The following NXPE4 variants were observed in gnomAD, a reference collection of about 807,000 sequenced individuals.
The protein encoded by NXPE4 is NXPE family member 4.
NXPE4 carries 42 observed loss-of-function variants against 33.3 expected under a neutral mutation model. That is an observed-to-expected ratio of 1.26 (90% CI 0.98 to 1.63). The LOEUF is 1.63. Ranked by LOEUF, NXPE4 falls within the 40% of genes most tolerant of loss-of-function variation. The probability of loss-of-function intolerance (pLI) is 0.00; values close to 1 mark genes in which losing one functional copy is unlikely to be tolerated. For synonymous variants in NXPE4, 253 were observed against 234.9 expected, an observed-to-expected ratio of 1.08 and a Z score of -0.71; for missense variants, 709 against 647.6, an observed-to-expected ratio of 1.09 and a Z score of -1.03.
At chr11:114,624,905 A>G in the NXPE4 span, among the ~76,000 whole-genome samples, 2 of 151,478 alleles carry the variant, frequency 1.3e-5, no homozygotes, top group Non-Finnish European at 1.5e-5. Context: ...GTGTGGCCTC[A>G]TGGGTAACCA....
chr11:114,655,912 T>G, the NXPE4 span, among the ~76,000 whole-genome samples: 27 of 152,308 alleles, frequency 1.8e-4, no homozygotes, highest in South Asian at 5.0e-3. Context: ...TACATAGTTT[T>G]GGAACTTCTG....
At chr11:114,603,266 C>A in the NXPE4 span, among the ~76,000 whole-genome samples, 1 of 148,500 alleles carries the variant, frequency 6.7e-6, no homozygotes, top group East Asian at 2.0e-4. Flanking sequence ...CTCCTATTTC[C>A]TGGTGGATGA....
At chr11:114,661,064 G>GATCT in the NXPE4 span, among the ~76,000 whole-genome samples, 1 of 152,146 alleles carries the variant, frequency 6.6e-6, no homozygotes, top group African/African-American at 2.4e-5. Context: ...AAATACACAA[G>GATCT]ATCTATATAC....
At chr11:114,602,767 ATAAT>A in the NXPE4 span, among the ~76,000 whole-genome samples, 14 of 145,038 alleles carry the variant, frequency 9.7e-5, no homozygotes, top group African/African-American at 3.5e-4. Context: ...TATCTCATAT[ATAAT>A]TACAGAATAA....
Position 114,582,375 on chromosome 11 carries a change from T to A in NXPE4, c.743A>T (p.His248Leu). 1 of 1,614,154 alleles carries A rather than the reference T, an allele frequency of 6.2e-7. No individual in the cohort carries two copies. Among genetic ancestry groups the A allele is most frequent in the South Asian group, 1.1e-5 (1 of 91,088 alleles). Residue 248 changes from histidine to leucine, a missense_variant, in exon 3 of 6, where the codon CAC (histidine) becomes CTC (leucine). Coordinates refer to ENST00000375478, the MANE Select transcript of NXPE4 (RefSeq NM_001077639.2). Reference sequence around the variant, plus strand: ...GTGAGTGAGTGCAGCACAGGGCATGTGTTGAGGCCTCACACAGTAGAAGCC... The same window carrying A: ...GTGAGTGAGTGCAGCACAGGGCATGAGTTGAGGCCTCACACAGTAGAAGCC... ...QEGFYCVRPQ[H>L]MPCAALTHMY...
the NXPE4 span, among the ~76,000 whole-genome samples, chr11:114,667,997 C>T: frequency 6.6e-6 from 1 of 151,806 alleles, no homozygotes. Context: ...GTGACAAGCA[C>T]TATTTGTAAC....
the NXPE4 span, among the ~76,000 whole-genome samples, chr11:114,620,070 T>G: frequency 0.011 from 1,432 of 134,244 alleles, 19 homozygotes; most frequent in African/African-American, 0.038. Context: ...TTACCTGGTG[T>G]ATAATAAGTG....
the NXPE4 span, among the ~76,000 whole-genome samples, chr11:114,639,750 ATATAT>A: frequency 2.3e-5 from 3 of 129,926 alleles, no homozygotes; most frequent in Non-Finnish European, 3.1e-5. Flanking sequence ...AATATATAAT[ATATAT>A]TATATTAAAT....
At chr11:114,572,582 C>A (rs549071613) in intron 5 of NXPE4, among the ~76,000 whole-genome samples, 2 of 152,086 alleles carry the variant, frequency 1.3e-5, no homozygotes, top group Admixed American at 1.3e-4. Context: ...ACTGGAAATT[C>A]TCAGCAATAG....
chr11:114,608,681 C>A, the NXPE4 span, among the ~76,000 whole-genome samples: 2 of 151,852 alleles, frequency 1.3e-5, no homozygotes, highest in African/African-American at 2.4e-5. Flanking sequence ...ATAAGCATTG[C>A]CTCCCAGGTA....
the NXPE4 span, among the ~76,000 whole-genome samples, chr11:114,639,990 A>G: frequency 8.5e-6 from 1 of 117,554 alleles, no homozygotes; most frequent in African/African-American, 3.5e-5. Flanking sequence ...TAATATAATA[A>G]TGTTATATAA....
At chr11:114,619,255 A>G in the NXPE4 span, among the ~76,000 whole-genome samples, 1 of 150,066 alleles carries the variant, frequency 6.7e-6, no homozygotes, top group Non-Finnish European at 1.5e-5. Flanking sequence ...ATGCCTCTTG[A>G]GTAATCAATG....
the NXPE4 span, among the ~76,000 whole-genome samples, chr11:114,619,230 G>T: frequency 6.6e-6 from 1 of 151,558 alleles, no homozygotes; most frequent in Admixed American, 6.6e-5. Flanking sequence ...ACTCTTACCC[G>T]GTAGAATATA....
the NXPE4 span, among the ~76,000 whole-genome samples, chr11:114,628,676 A>G: frequency 1.0e-5 from 1 of 100,360 alleles, no homozygotes; most frequent in Non-Finnish European, 2.0e-5. Flanking sequence ...AAATCAGAGC[A>G]GAACTGAAGG....
chr11:114,598,882 C>G (rs111910329), upstream of NXPE4, among the ~76,000 whole-genome samples: 4 of 152,300 alleles, frequency 2.6e-5, no homozygotes, highest in African/African-American at 9.6e-5. Flanking sequence ...CCTGTGGAAG[C>G]TACCAAGGCT....
At chr11:114,577,696 A>C (rs1424225301) in intron 5 of NXPE4, among the ~76,000 whole-genome samples, 1 of 152,092 alleles carries the variant, frequency 6.6e-6, no homozygotes, top group Non-Finnish European at 1.5e-5. Context: ...AGTTTTGTAG[A>C]TATTATTTTT....
chr11:114,633,714 G>T, the NXPE4 span, among the ~76,000 whole-genome samples: 1 of 151,494 alleles, frequency 6.6e-6, no homozygotes, highest in South Asian at 2.1e-4. Context: ...AACATGTGGC[G>T]TTTGGTTTTT....
the NXPE4 span, among the ~76,000 whole-genome samples, chr11:114,604,734 G>C: frequency 1.3e-5 from 2 of 151,204 alleles, no homozygotes; most frequent in Non-Finnish European, 2.9e-5. Context: ...ACTGTTACTC[G>C]GTGGATAATA....
the NXPE4 span, among the ~76,000 whole-genome samples, chr11:114,613,722 G>C: frequency 6.6e-6 from 1 of 151,848 alleles, no homozygotes. Context: ...CAGGTAATAA[G>C]TGTTGTCTCA....
Sources: allele counts gnomAD v4.1 joint callset (sites outside exome capture counted in the v4.1 genomes callset), GRCh38; gene constraint gnomAD v4.1.1; transcripts MANE v1.5; gene names NCBI Gene and HGNC (gene_info 2026-07-23, HGNC 2026-07-21).